Variants in PCDH9 observed in about 807,000 individuals in gnomAD.
PCDH9 encodes the protein protocadherin 9, also known as protocadherin-9.
PCDH9 carries 24 observed loss-of-function variants against 70.6 expected under a neutral mutation model. The observed-to-expected ratio is 0.34, with a 90% CI of 0.25 to 0.48. The LOEUF (loss-of-function observed/expected upper bound fraction) is 0.48, where lower values mean the gene tolerates loss of function less well. PCDH9 is among the 20% of genes least tolerant of loss of function. PCDH9 has a pLI of 0.99. For synonymous variants in PCDH9, 562 were observed against 558.5 expected, an observed-to-expected ratio of 1.01 and a Z score of -0.09; for missense variants, 1,281 against 1,503.6, an observed-to-expected ratio of 0.85 and a Z score of 2.45.
intron 2 of PCDH9, among the ~76,000 whole-genome samples, chr13:67,087,470 A>G (rs2086131639): frequency 6.6e-6 from 1 of 152,204 alleles, no homozygotes; most frequent in African/African-American, 2.4e-5. Context: ...AAATTTTAAT[A>G]TAGTAAGTAA....
chr13:66,903,494 T>G lies in PCDH9; in HGVS notation c.3138+10A>C, dbSNP rs372212385. 1 of 1,207,592 alleles carries G rather than the reference T, an allele frequency of 8.3e-7. No individual in the cohort carries two copies. Among genetic ancestry groups the G allele is most frequent in the South Asian group, 1.2e-5 (1 of 81,852 alleles). 74.8% of individuals were successfully genotyped at this position (1,207,592 alleles called of 1,614,324 possible). A position where few individuals can be genotyped will look rare whatever the true frequency, so the allele number is the denominator to read the frequency against. ...AGTACTAACATGTTCTCTATAGATA[T>G]ATGGCATACCTCGTAATGGCTTTCT... On this transcript the variant is annotated intron_variant, in intron 3 of 4. Coordinates refer to ENST00000377865, the MANE Select transcript of PCDH9 (RefSeq NM_203487.3).
chr13:66,465,932 T>C (rs1374507156), intron 4 of PCDH9, among the ~76,000 whole-genome samples: 4 of 152,052 alleles, frequency 2.6e-5, no homozygotes, highest in African/African-American at 9.6e-5. Flanking sequence ...ATTTGGTAAG[T>C]AAAGAAAGGT....
At chr13:66,337,070 A>G (rs561908694) in intron 4 of PCDH9, among the ~76,000 whole-genome samples, 1 of 152,164 alleles carries the variant, frequency 6.6e-6, no homozygotes, top group South Asian at 2.1e-4. Context: ...GATCATTTGA[A>G]TATAAATTAA....
chr13:66,609,193 A>G (rs910638177), intron 4 of PCDH9, among the ~76,000 whole-genome samples: 24 of 152,202 alleles, frequency 1.6e-4, no homozygotes, highest in African/African-American at 5.5e-4. Flanking sequence ...TCTCCTAATG[A>G]CCAGGAATGT....
rs563379241 is a variant in PCDH9 at position 66,830,448 on chromosome 13, T to C, written c.3138+73056A>G. ...TCAGAATTCTCAACGTTAATAAATATATTCTAATTAAATATAATGGAAACT... is the reference window on the plus strand; with the variant it reads ...TCAGAATTCTCAACGTTAATAAATACATTCTAATTAAATATAATGGAAACT... On this transcript the variant is annotated intron_variant, in intron 3 of 4. Transcript: ENST00000377865. 1.3e-4 allele frequency among the ~76,000 whole-genome samples: 20 copies of C among 152,318 alleles called. No homozygotes were observed. The East Asian group carries it at 2.9e-3, about 22-fold the overall frequency.
Position 66,990,440 on chromosome 13 carries a change from A to T in PCDH9, c.3037-86835T>A, listed in dbSNP as rs563598460. Reference sequence around the variant, plus strand: ...AATGTAAGAAGATACATATACATATACATATAGGTTAGGTTCTTACATTTG... The same window carrying T: ...AATGTAAGAAGATACATATACATATTCATATAGGTTAGGTTCTTACATTTG... On this transcript the variant is annotated intron_variant, in intron 2 of 4. Transcript: ENST00000377865. Among the ~76,000 whole-genome samples the T allele has an allele frequency of 1.3e-4, 19 of 151,542 alleles. 1 individual carries two copies. In the South Asian group the frequency reaches 3.9e-3, roughly 31 times the overall value.
At chr13:67,122,412 C>T (rs1452204470) in intron 2 of PCDH9, among the ~76,000 whole-genome samples, 2 of 152,008 alleles carry the variant, frequency 1.3e-5, no homozygotes, top group African/African-American at 4.8e-5. Flanking sequence ...TCAAAAACCT[C>T]ATGAAGCATG....
intron 3 of PCDH9, among the ~76,000 whole-genome samples, chr13:66,743,108 T>C (rs1233597575): frequency 3.3e-5 from 2 of 60,892 alleles, no homozygotes; most frequent in African/African-American, 4.2e-5. Flanking sequence ...TGTCCAACAA[T>C]GATAGACTGG....
At chr13:66,417,954 G>GT (rs1957490914) in intron 4 of PCDH9, among the ~76,000 whole-genome samples, 1 of 152,138 alleles carries the variant, frequency 6.6e-6, no homozygotes, top group Non-Finnish European at 1.5e-5. Flanking sequence ...CACTCTGTAG[G>GT]TTTTCTGTTC....
At chr13:66,865,264 G>A (rs1348217) in intron 3 of PCDH9, among the ~76,000 whole-genome samples, 4,312 of 152,134 alleles carry the variant, frequency 0.028, 196 homozygotes, top group African/African-American at 0.098. Context: ...GGGCATTAAT[G>A]GACACTTCAG....
chr13:66,717,663 A>G (rs1476146341), intron 3 of PCDH9, among the ~76,000 whole-genome samples: 1 of 151,690 alleles, frequency 6.6e-6, no homozygotes, highest in Admixed American at 6.6e-5. Flanking sequence ...TTTAGAACAG[A>G]GCAAAATGTA....
chr13:66,515,391 T>C (rs1786002934), intron 4 of PCDH9, among the ~76,000 whole-genome samples: 1 of 152,052 alleles, frequency 6.6e-6, no homozygotes, highest in Admixed American at 6.6e-5. Flanking sequence ...TCAAATTCAT[T>C]ATTATAATAT....
At chr13:67,053,459 C>T (rs2085360220) in intron 2 of PCDH9, among the ~76,000 whole-genome samples, 1 of 152,066 alleles carries the variant, frequency 6.6e-6, no homozygotes, top group Non-Finnish European at 1.5e-5. Flanking sequence ...GTATAAAAAA[C>T]ACAAAGGATA....
At chr13:67,081,847 T>C (rs968622441) in intron 2 of PCDH9, among the ~76,000 whole-genome samples, 5 of 152,090 alleles carry the variant, frequency 3.3e-5, no homozygotes, top group Admixed American at 3.3e-4. Context: ...AAATCAGGAG[T>C]TTAACTATTT....
intron 4 of PCDH9, among the ~76,000 whole-genome samples, chr13:66,374,657 G>A (rs1323815552): frequency 6.6e-6 from 1 of 152,028 alleles, no homozygotes; most frequent in Non-Finnish European, 1.5e-5. Flanking sequence ...TCTGCCTGCT[G>A]TGAATCAGCA....
chr13:66,453,248 C>T (rs910238196), intron 4 of PCDH9, among the ~76,000 whole-genome samples: 1 of 152,112 alleles, frequency 6.6e-6, no homozygotes, highest in African/African-American at 2.4e-5. Context: ...TCAGAATTTC[C>T]TTTTCTTTGA....
chr13:66,930,846 G>T (rs540057434), intron 2 of PCDH9, among the ~76,000 whole-genome samples: 1 of 152,120 alleles, frequency 6.6e-6, no homozygotes, highest in East Asian at 1.9e-4. Context: ...GGCACACTGG[G>T]AAACCAAACA....
intron 4 of PCDH9, among the ~76,000 whole-genome samples, chr13:66,533,481 C>T (rs1242685570): frequency 6.6e-6 from 1 of 151,818 alleles, no homozygotes; most frequent in Non-Finnish European, 1.5e-5. Context: ...TTGTATTTAA[C>T]TATTAGTTAT....
chr13:66,825,989 T>C (rs948420364), intron 3 of PCDH9, among the ~76,000 whole-genome samples: 1 of 152,134 alleles, frequency 6.6e-6, no homozygotes, highest in Admixed American at 6.5e-5. Flanking sequence ...AAATAAAAAG[T>C]AACAATTTTA....
Sources: allele counts gnomAD v4.1 joint callset (sites outside exome capture counted in the v4.1 genomes callset), GRCh38; gene constraint gnomAD v4.1.1; transcripts MANE v1.5; gene names NCBI Gene and HGNC (gene_info 2026-07-23, HGNC 2026-07-21).